LRP1B: variants seen among roughly 807,000 people sequenced by gnomAD.
LRP1B encodes the protein low-density lipoprotein receptor-related protein 1B.
LRP1B carries 217 observed loss-of-function variants against 556.6 expected under a neutral mutation model. That is an observed-to-expected ratio of 0.39 (90% CI 0.35 to 0.44). LRP1B has a LOEUF of 0.44. LRP1B is among the 20% of genes least tolerant of loss of function. The pLI is 1.00. For missense variants in LRP1B, 5,053 were observed against 5,620.8 expected, an observed-to-expected ratio of 0.90 and a Z score of 3.23; for synonymous variants, 2,047 against 1,865.8, an observed-to-expected ratio of 1.10 and a Z score of -2.50.
rs199980170 is a variant in LRP1B at position 140,325,743 on chromosome 2, A to C, written c.12340+19T>G. 4.1e-5 allele frequency: 62 copies of C among 1,503,694 alleles called. No individual in the cohort carries two copies. In the East Asian group the frequency reaches 9.3e-4, roughly 23 times the overall value. 93.1% of individuals were successfully genotyped at this position (1,503,694 alleles called of 1,614,324 possible). On this transcript the variant is annotated intron_variant, in intron 80 of 90. Transcript: ENST00000389484. ...CTCTCAGTAACAATTAAAAATGAAG[A>C]CAAAAGCACTTCACAAACCTTGTTT... is the stretch of plus-strand genomic sequence containing the variant.
intron 43 of LRP1B, among the ~76,000 whole-genome samples, chr2:140,575,490 A>T (rs1028358846): frequency 6.6e-6 from 1 of 152,178 alleles, no homozygotes; most frequent in Non-Finnish European, 1.5e-5. Context: ...TTTGTTAACC[A>T]TGCCATGGCT....
intron 1 of LRP1B, among the ~76,000 whole-genome samples, chr2:141,899,534 G>C (rs919438861): frequency 5.8e-4 from 89 of 152,218 alleles, no homozygotes; most frequent in African/African-American, 2.1e-3. Context: ...ATTCAGGTGA[G>C]AGCTAGCTTT....
intron 15 of LRP1B, among the ~76,000 whole-genome samples, chr2:140,998,697 T>G (rs1697325008): frequency 6.6e-6 from 1 of 152,114 alleles, no homozygotes; most frequent in African/African-American, 2.4e-5. Flanking sequence ...ATTTTTCTGC[T>G]GGGTACATGC....
Position 140,651,213 on chromosome 2 carries a change from G to T in LRP1B, c.6799+49037C>A, listed in dbSNP as rs1455520619. Among the ~76,000 whole-genome samples the T allele has an allele frequency of 4.6e-5, 7 of 151,816 alleles. No individual in the cohort carries two copies. The East Asian group carries it at 1.4e-3, about 29-fold the overall frequency. Reference sequence around the variant, plus strand: ...TCATGTCCTTTGTAGGGACATGGATGAAATTGGAAATCATCATTCTCAGTA... The same window carrying T: ...TCATGTCCTTTGTAGGGACATGGATTAAATTGGAAATCATCATTCTCAGTA... On this transcript the variant is annotated intron_variant, in intron 41 of 90. Coordinates refer to ENST00000389484, the MANE Select transcript of LRP1B (RefSeq NM_018557.3).
chr2:142,025,625 T>A (rs1703477207), intron 1 of LRP1B, among the ~76,000 whole-genome samples: 1 of 152,098 alleles, frequency 6.6e-6, no homozygotes, highest in African/African-American at 2.4e-5. Flanking sequence ...TTATCCAAGA[T>A]GGGTCACCCC....
At chr2:141,285,435 G>T (rs1459144323) in intron 3 of LRP1B, among the ~76,000 whole-genome samples, 1 of 148,242 alleles carries the variant, frequency 6.7e-6, no homozygotes, top group African/African-American at 2.5e-5. Flanking sequence ...GAATAGAAAA[G>T]GTGAGAATAA....
chr2:140,839,962 A>T (rs375904111), intron 31 of LRP1B, 29 bp downstream of exon 31: 4 of 1,390,344 alleles, frequency 2.9e-6, no homozygotes, highest in African/African-American at 2.9e-5. Flanking sequence ...CACATTGAAA[A>T]CTTGGTGACT....
chr2:141,501,184 TCTTTGA>T (rs1186266923), intron 2 of LRP1B, among the ~76,000 whole-genome samples: 6 of 152,148 alleles, frequency 3.9e-5, no homozygotes, highest in African/African-American at 1.4e-4. Flanking sequence ...ACTTTCATCT[TCTTTGA>T]CTTTGATGAA....
intron 31 of LRP1B, 150 bp downstream of exon 31, chr2:140,839,841 C>T (rs776795233): frequency 1.8e-5 from 11 of 622,590 alleles, no homozygotes; most frequent in Non-Finnish European, 2.5e-5. Context: ...CTAACAGAAA[C>T]CCAATGGATT....
chr2:141,164,221 A>G (rs1007962641), intron 7 of LRP1B, among the ~76,000 whole-genome samples: 1 of 152,062 alleles, frequency 6.6e-6, no homozygotes, highest in African/African-American at 2.4e-5. Flanking sequence ...GAAGAGCCGT[A>G]AGAACTAAGC....
chr2:141,024,817 C>A (rs1430683889), intron 11 of LRP1B, among the ~76,000 whole-genome samples: 2 of 151,928 alleles, frequency 1.3e-5, no homozygotes, highest in African/African-American at 4.8e-5. Flanking sequence ...GCAGGAGCAA[C>A]TGGGAGGGGT....
intron 25 of LRP1B, among the ~76,000 whole-genome samples, chr2:140,878,857 A>G (rs1292392086): frequency 6.6e-6 from 1 of 151,960 alleles, no homozygotes; most frequent in Admixed American, 6.6e-5. Context: ...AAATAGAAAC[A>G]TTGGCTGGGC....
intron 6 of LRP1B, among the ~76,000 whole-genome samples, chr2:141,207,075 A>G (rs1682318579): frequency 6.6e-6 from 1 of 152,192 alleles, no homozygotes; most frequent in South Asian, 2.1e-4. Context: ...TTTGATAAAG[A>G]CCACAGAAAT....
In LRP1B at chr2:140,444,679, G is replaced by C. The variant is rs1348457275; in HGVS notation, c.10058C>G (p.Pro3353Arg). 5 of 1,591,852 alleles carry C rather than the reference G, an allele frequency of 3.1e-6. No individual in the cohort carries two copies. Among genetic ancestry groups the C allele is most frequent in the Non-Finnish European group, 4.3e-6 (5 of 1,160,210 alleles). Residue 3353 changes from proline to arginine, a missense_variant and splice_region_variant, in exon 64 of 91, where the codon CCT becomes CGT. By Grantham distance (103) the Pro-to-Arg change is moderately radical. This residue lies in a region of LRP1B where 262 missense variants were observed against 395.1 expected (regional missense o/e 0.66). Coordinates refer to ENST00000389484, the MANE Select transcript of LRP1B (RefSeq NM_018557.3). ...TCGGCCTGGCTGACATCTAAATTCA[G>C]CTAGGGGAGAAAGCATAGATATTGT... ...GDGSDEPDDC[P>R]EFRCQPGRFQ...
At chr2:141,182,376 C>T (rs577952973) in intron 7 of LRP1B, among the ~76,000 whole-genome samples, 16 of 151,960 alleles carry the variant, frequency 1.1e-4, no homozygotes, top group African/African-American at 3.9e-4. Flanking sequence ...CATCAATACC[C>T]ACTGATTAAA....
intron 3 of LRP1B, among the ~76,000 whole-genome samples, chr2:141,295,906 T>G (rs1686168613): frequency 6.6e-6 from 1 of 152,106 alleles, no homozygotes; most frequent in African/African-American, 2.4e-5. Context: ...ATTGTGTTAC[T>G]CCACAAAAAC....
At chr2:140,643,570 A>G (rs1020607551) in intron 41 of LRP1B, among the ~76,000 whole-genome samples, 32 of 152,322 alleles carry the variant, frequency 2.1e-4, no homozygotes, top group African/African-American at 7.5e-4. Flanking sequence ...TAAAAATATA[A>G]TGGCAAGCTG....
chr2:142,056,048 G>A (rs1351556113), intron 1 of LRP1B, among the ~76,000 whole-genome samples: 2 of 152,108 alleles, frequency 1.3e-5, no homozygotes, highest in African/African-American at 4.8e-5. Flanking sequence ...CTACTAGGGA[G>A]GTTGAGGCAC....
chr2:140,984,342 T>C (rs1696857809), intron 17 of LRP1B, among the ~76,000 whole-genome samples: 1 of 152,008 alleles, frequency 6.6e-6, no homozygotes, highest in Non-Finnish European at 1.5e-5. Flanking sequence ...CCTTTCTTCC[T>C]CCTTCATTCT....
Sources: gnomAD v4.1 joint callset for allele counts (sites outside exome capture counted in the v4.1 genomes callset) on GRCh38, gnomAD v4.1.1 for gene constraint, gnomAD v4.1.1 regional missense constraint, MANE v1.5 for transcripts, NCBI Gene and HGNC (gene_info 2026-07-23, HGNC 2026-07-21) for gene names.